Variants in DPP10 observed in about 807,000 individuals in gnomAD.
DPP10 encodes dipeptidyl peptidase like 10.
Under a neutral mutation model 120.9 loss-of-function variants are expected in DPP10, and 33 were observed. That is an observed-to-expected ratio of 0.27 (90% confidence interval 0.21 to 0.37). The LOEUF is 0.37. Ranked by LOEUF, DPP10 falls within the 10% of genes least tolerant of loss-of-function variation. The pLI, the probability that DPP10 is intolerant of heterozygous loss-of-function variation, is 1.00. For synonymous variants in DPP10, 337 were observed against 326.1 expected (o/e 1.03, Z -0.36); for missense variants, 816 against 942.8 (o/e 0.87, Z 1.76).
Position 115,712,474 on chromosome 2 carries a change from T to C in DPP10, c.577-15342T>C, listed in dbSNP as rs192344436. ...GGTTAGGGACCCCTAATTTAGAAAA[T>C]ACAATATAGTATCCTAGTTCTCAAC... On this transcript the variant is annotated intron_variant, in intron 7 of 25. Coordinates refer to ENST00000410059, the MANE Select transcript of DPP10 (RefSeq NM_020868.6). 2.8e-5 allele frequency among the ~76,000 whole-genome samples: 4 copies of C among 141,212 alleles called. No homozygotes were observed. In the Admixed American group the frequency reaches 2.9e-4, roughly 10 times the overall value. The allele number at this position is 141,212 out of a possible 152,430, so 92.6% of individuals were successfully genotyped here.
intron 1 of DPP10, among the ~76,000 whole-genome samples, chr2:114,774,665 GTA>G (rs34871165): frequency 2.4e-4 from 35 of 145,068 alleles, no homozygotes; most frequent in East Asian, 1.4e-3. Flanking sequence ...CAATAATGAT[GTA>G]TATATATATA....
intron 1 of DPP10, among the ~76,000 whole-genome samples, chr2:115,299,643 A>T (rs1460679414): frequency 1.3e-5 from 2 of 152,052 alleles, no homozygotes; most frequent in Non-Finnish European, 2.9e-5. Flanking sequence ...AATCTATAAA[A>T]TAGAACTAAT....
chr2:115,005,208 A>T (rs1304022698), intron 1 of DPP10, among the ~76,000 whole-genome samples: 1 of 152,016 alleles, frequency 6.6e-6, no homozygotes, highest in Non-Finnish European at 1.5e-5. Context: ...CACACCAAAA[A>T]CCCTTCTGTA....
At chr2:115,333,874 A>G (rs971094124) in intron 2 of DPP10, among the ~76,000 whole-genome samples, 4 of 151,816 alleles carry the variant, frequency 2.6e-5, no homozygotes, top group African/African-American at 4.8e-5. Flanking sequence ...CTTCACTTCA[A>G]CTTTGGTGTA....
intron 1 of DPP10, among the ~76,000 whole-genome samples, chr2:114,566,839 C>A (rs1689240447): frequency 6.6e-6 from 1 of 152,206 alleles, no homozygotes; most frequent in African/African-American, 2.4e-5. Flanking sequence ...CAGATTTCTT[C>A]TGTACAAAAT....
chr2:114,695,100 A>G (rs1181761751), intron 1 of DPP10, among the ~76,000 whole-genome samples: 1 of 152,034 alleles, frequency 6.6e-6, no homozygotes, highest in Non-Finnish European at 1.5e-5. Context: ...AGGGGGTGAT[A>G]TACTCACAAT....
intron 1 of DPP10, among the ~76,000 whole-genome samples, chr2:115,300,969 T>G (rs541505179): frequency 6.6e-6 from 1 of 152,104 alleles, no homozygotes; most frequent in African/African-American, 2.4e-5. Context: ...CTGTAGACTG[T>G]GTGGAGGAAG....
intron 1 of DPP10, among the ~76,000 whole-genome samples, chr2:115,190,093 T>C (rs1218581435): frequency 6.6e-6 from 1 of 152,212 alleles, no homozygotes; most frequent in East Asian, 1.9e-4. Context: ...GCCCTCTGGC[T>C]GGTAGCCCCT....
chr2:115,139,724 TAAAAAAAAAAAA>T (rs55826687), intron 1 of DPP10, among the ~76,000 whole-genome samples: 3 of 56,620 alleles, frequency 5.3e-5, no homozygotes, highest in African/African-American at 7.2e-5. Context: ...GTAAAAATAC[TAAAAAAAAAAAA>T]AAAAAAAAAA....
At chr2:115,295,041 C>T (rs900165497) in intron 1 of DPP10, among the ~76,000 whole-genome samples, 5 of 152,060 alleles carry the variant, frequency 3.3e-5, no homozygotes, top group East Asian at 1.9e-4. Context: ...GAATGATTCA[C>T]GCAAAATGAA....
intron 5 of DPP10, among the ~76,000 whole-genome samples, chr2:115,568,524 T>C (rs1330246223): frequency 6.6e-6 from 1 of 151,074 alleles, no homozygotes. Context: ...TATTTTAATT[T>C]GTATTTTTAT....
intron 12 of DPP10, among the ~76,000 whole-genome samples, chr2:115,767,575 T>A (rs1295305563): frequency 1.3e-5 from 2 of 150,880 alleles, no homozygotes; most frequent in East Asian, 2.0e-4. Flanking sequence ...AAATATATAG[T>A]GTGTGTGTGT....
At chr2:114,785,033 G>A (rs1349381762) in intron 1 of DPP10, among the ~76,000 whole-genome samples, 1 of 152,138 alleles carries the variant, frequency 6.6e-6, no homozygotes, top group African/African-American at 2.4e-5. Context: ...CAGTCACCTT[G>A]CAGCTGTAAT....
At chr2:114,630,966 A>G (rs1694879039) in intron 1 of DPP10, among the ~76,000 whole-genome samples, 1 of 152,092 alleles carries the variant, frequency 6.6e-6, no homozygotes. Context: ...TTGCATTGGT[A>G]TCTAGTTGAT....
In DPP10 at chr2:115,644,841, A is replaced by G. The variant is rs146029635; in HGVS notation, c.442-44846A>G. ...TAGGAGTTTGGTGTGGGTGGAGTTA[A>G]CAGTCAGTACCACTAATCTCCATAT... On this transcript the variant is annotated intron_variant, in intron 5 of 25. Coordinates refer to ENST00000410059, the MANE Select transcript of DPP10 (RefSeq NM_020868.6). 8.3e-3 allele frequency among the ~76,000 whole-genome samples: 1,262 copies of G among 152,274 alleles called. 13 individuals carry two copies. The highest frequency in any genetic ancestry group is 0.029 in the African/African-American group (1,204 of 41,556).
In DPP10 at chr2:115,435,402, A is replaced by G. The variant is rs539533211; in HGVS notation, c.272-64108A>G. On this transcript the variant is annotated intron_variant, in intron 3 of 25. Transcript: ENST00000410059. ...GATAACAGCTCTTTTAACTGTGATGAGATGGTGTCTCATTGTGGTTTGATT... is the reference window on the plus strand; with the variant it reads ...GATAACAGCTCTTTTAACTGTGATGGGATGGTGTCTCATTGTGGTTTGATT... Among the ~76,000 whole-genome samples, 22 of 151,930 alleles carry G rather than the reference A, an allele frequency of 1.4e-4. No individual in the cohort carries two copies. The South Asian group carries it at 4.4e-3, about 30-fold the overall frequency.
intron 7 of DPP10, among the ~76,000 whole-genome samples, chr2:115,710,386 G>A (rs2092277848): frequency 6.6e-6 from 1 of 152,034 alleles, no homozygotes; most frequent in Non-Finnish European, 1.5e-5. Context: ...TGGTGAGGGA[G>A]AAAGAAAATT....
chr2:115,237,178 C>T (rs1338433323), intron 1 of DPP10, among the ~76,000 whole-genome samples: 1 of 151,796 alleles, frequency 6.6e-6, no homozygotes, highest in Non-Finnish European at 1.5e-5. Context: ...ATTTTTGCAG[C>T]AGTATATGCC....
rs755677456 is a variant in DPP10, at chr2:114,888,087, G to A, written c.61-421152G>A. Among the ~76,000 whole-genome samples, 5 of 150,506 alleles carry A rather than the reference G, an allele frequency of 3.3e-5. No homozygotes were observed. In the South Asian group the frequency reaches 1.0e-3, roughly 32 times the overall value. On this transcript the variant is annotated intron_variant, in intron 1 of 25. Transcript: ENST00000410059. ...GAACCTGGGAGGTGGAGCTTGCAGT[G>A]AGCCGAGGTCGTGCTGCTGCACTCC...
Sources: gnomAD v4.1 joint callset for allele counts (sites outside exome capture counted in the v4.1 genomes callset) on GRCh38, gnomAD v4.1.1 for gene constraint, MANE v1.5 for transcripts, NCBI Gene and HGNC (gene_info 2026-07-23, HGNC 2026-07-21) for gene names.